The following MACF1 variants were observed in gnomAD, a reference collection of about 807,000 sequenced individuals.
The protein encoded by MACF1 is microtubule-actin cross-linking factor 1.
In MACF1, 193 loss-of-function variants were observed where a neutral mutation model predicts 854.8. The observed-to-expected ratio is 0.23, with a 90% confidence interval of 0.20 to 0.25. The LOEUF is 0.25. MACF1 is among the 10% of genes least tolerant of loss of function. MACF1 has a pLI of 1.00. For missense variants in MACF1, 7,722 were observed against 8,929.1 expected (o/e 0.86, Z 5.45); for synonymous variants, 3,185 against 3,226.7 (o/e 0.99, Z 0.44).
chr1:39,306,053 T>C (rs1487277325), intron 23 of MACF1, among the ~76,000 whole-genome samples: 2 of 152,218 alleles, frequency 1.3e-5, no homozygotes, highest in Non-Finnish European at 2.9e-5. Flanking sequence ...CTTAGAACCA[T>C]TCCTAGCACA....
chr1:39,198,549 G>A (rs1423606185), intron 2 of MACF1, among the ~76,000 whole-genome samples: 1 of 151,928 alleles, frequency 6.6e-6, no homozygotes, highest in African/African-American at 2.4e-5. Flanking sequence ...TACTCAGGAG[G>A]CTGAGGCAGG....
chr1:39,171,643 T>G (rs1025329197), intron 2 of MACF1, among the ~76,000 whole-genome samples: 1 of 152,234 alleles, frequency 6.6e-6, no homozygotes, highest in African/African-American at 2.4e-5. Flanking sequence ...ATTTTCTTTT[T>G]TGGACACAGT....
At chr1:39,428,653 G>T (rs966878861) in intron 63 of MACF1, among the ~76,000 whole-genome samples, 1 of 152,160 alleles carries the variant, frequency 6.6e-6, no homozygotes, top group African/African-American at 2.4e-5. Flanking sequence ...TAGTGCCCAG[G>T]ATTTGATCAT....
chr1:39,441,126 G>T lies in MACF1; in HGVS notation c.18570+1G>T. 6.2e-7 allele frequency: 1 copy of T among 1,614,200 alleles called. No individual in the cohort carries two copies. On this transcript the variant is annotated splice_donor_variant, in intron 73 of 100. Coordinates refer to ENST00000564288, the MANE Select transcript of MACF1 (RefSeq NM_001394062.1). LOFTEE classifies it high-confidence loss of function. ...TGAAGTGAGGAAGAGCATTGATGAG[G>T]TGTGGAGAAATGGATGAGGCACTCA...
intron 2 of MACF1, among the ~76,000 whole-genome samples, chr1:39,134,273 C>T (rs1449926967): frequency 6.6e-6 from 1 of 151,370 alleles, no homozygotes; most frequent in East Asian, 1.9e-4. Flanking sequence ...GTTTCGATCT[C>T]CTGACCTCGT....
At chr1:39,469,050 C>G (rs1326328940) in intron 96 of MACF1, among the ~76,000 whole-genome samples, 4 of 152,164 alleles carry the variant, frequency 2.6e-5, no homozygotes, top group African/African-American at 9.7e-5. Context: ...CAGTGAAGCC[C>G]TTTAGGTTCC....
At chr1:39,221,081 T>C (rs1644646396) in intron 1 of MACF1, among the ~76,000 whole-genome samples, 1 of 152,154 alleles carries the variant, frequency 6.6e-6, no homozygotes, top group South Asian at 2.1e-4. Flanking sequence ...GTAGGACAGA[T>C]GCGAAAGGTA....
At chr1:39,194,351 C>CTTTTTTTTTTTTTTTT (rs749853544) in intron 2 of MACF1, among the ~76,000 whole-genome samples, 1 of 35,542 alleles carries the variant, frequency 2.8e-5, no homozygotes, top group Non-Finnish European at 5.2e-5. Context: ...CTTTTCTTTT[C>CTTTTTTTTTTTTTTTT]TTTTTTTTTT....
chr1:39,249,830 G>A, intron 2 of MACF1, 184 bp from the exon 3 acceptor site: 1 of 478,676 alleles, frequency 2.1e-6, no homozygotes, highest in Non-Finnish European at 3.7e-6. Flanking sequence ...CACGTTTCTG[G>A]TAAAGTATTA....
intron 97 of MACF1, among the ~76,000 whole-genome samples, chr1:39,475,468 C>CAAAAAA (rs71691475): frequency 4.1e-5 from 5 of 121,166 alleles, no homozygotes; most frequent in Non-Finnish European, 6.7e-5. Flanking sequence ...GACCCTGTCT[C>CAAAAAA]AAAAAAAAAA....
At chr1:39,269,164 G>A in intron 6 of MACF1, 2 of 1,289,962 alleles carry the variant, frequency 1.6e-6, no homozygotes, top group Non-Finnish European at 2.0e-6. Context: ...GAAAGGAACT[G>A]CGAGAAGTCA....
intron 2 of MACF1, among the ~76,000 whole-genome samples, chr1:39,247,963 C>G (rs528690457): frequency 6.6e-6 from 1 of 152,126 alleles, no homozygotes; most frequent in African/African-American, 2.4e-5. Context: ...CAGAGGTTGC[C>G]GTGAGCCAAG....
At position 39,282,521 on chromosome 1, in the gene MACF1, C is replaced by A. The variant is rs997908932; in HGVS notation, c.695+147C>A. ...TGAAAAAGAAACATTTATTTAACTA[C>A]TTTTCTAGGAACTGGGTACAAGTAG... On this transcript the variant is annotated intron_variant, in intron 7 of 100. Coordinates refer to ENST00000564288, the MANE Select transcript of MACF1 (RefSeq NM_001394062.1). The A allele has an allele frequency of 1.0e-5, 10 of 986,940 alleles. No homozygotes were observed. The South Asian group carries it at 1.4e-4, about 14-fold the overall frequency. The allele number at this position is 986,940 out of a possible 1,614,324, so 61.1% of individuals were successfully genotyped here.
chr1:39,301,080 C>G (rs1646030375), intron 22 of MACF1, among the ~76,000 whole-genome samples: 1 of 152,112 alleles, frequency 6.6e-6, no homozygotes, highest in Non-Finnish European at 1.5e-5. Context: ...ATTTAGTGCA[C>G]AAAGGATCCT....
intron 93 of MACF1, among the ~76,000 whole-genome samples, chr1:39,462,477 G>A (rs914971388): frequency 6.6e-6 from 1 of 152,028 alleles, no homozygotes; most frequent in Non-Finnish European, 1.5e-5. Flanking sequence ...GGCCAACACG[G>A]GAGGATCACT....
chr1:39,440,014 G>A (rs889522075), intron 72 of MACF1, among the ~76,000 whole-genome samples: 1 of 151,636 alleles, frequency 6.6e-6, no homozygotes, highest in Non-Finnish European at 1.5e-5. Flanking sequence ...ATCAATTTTG[G>A]ACTCATTATC....
At chr1:39,260,543 T>G (rs1408373565) in intron 6 of MACF1, 1 of 152,074 alleles carries the variant, frequency 6.6e-6, no homozygotes, top group African/African-American at 2.4e-5. Context: ...TTTTTTATTA[T>G]TAGTAGAGAC....
chr1:39,107,485 CGGT>C (rs1642275425), intron 2 of MACF1, among the ~76,000 whole-genome samples: 2 of 152,080 alleles, frequency 1.3e-5, no homozygotes, highest in Admixed American at 1.3e-4. Flanking sequence ...GAGTTGTATA[CGGT>C]GGTCGTGCAG....
chr1:39,458,340 A>T (rs1553438826), intron 89 of MACF1, 30 bp from the exon 90 acceptor site: 8 of 1,608,948 alleles, frequency 5.0e-6, no homozygotes, highest in Non-Finnish European at 6.8e-6. Flanking sequence ...ACAATATTTA[A>T]CTCTTTTTCC....
Sources: gnomAD v4.1 joint callset for allele counts (sites outside exome capture counted in the v4.1 genomes callset) on GRCh38, gnomAD v4.1.1 for gene constraint, MANE v1.5 for transcripts, NCBI Gene and HGNC (gene_info 2026-07-23, HGNC 2026-07-21) for gene names.